The following GRIN2D variants were observed in gnomAD, a reference collection of about 807,000 sequenced individuals.
GRIN2D encodes glutamate ionotropic receptor NMDA type subunit 2D.
Under a neutral mutation model 103.2 loss-of-function variants are expected in GRIN2D, and 37 were observed. The observed-to-expected ratio is 0.36, with a 90% CI of 0.28 to 0.47. The LOEUF is 0.47. Among genes scored for constraint, GRIN2D ranks in the 20% least tolerant of loss-of-function variants. The pLI is 1.00. For synonymous variants in GRIN2D, 845 were observed against 885.6 expected (o/e 0.95, Z 0.81); for missense variants, 1,557 against 1,910.6 (o/e 0.81, Z 3.45).
rs117851076 is a variant in GRIN2D at position 48,432,671 on chromosome 19, C to T, written c.2253-9098C>T. Reference sequence around the variant, plus strand: ...CGGGGGTCTCACTATGTTGCCCAGGCTGCTCTTGAACTCCTAGGATCAAGC... The same window carrying T: ...CGGGGGTCTCACTATGTTGCCCAGGTTGCTCTTGAACTCCTAGGATCAAGC... On this transcript the variant is annotated intron_variant, in intron 11 of 13. Transcript: ENST00000263269. Among the ~76,000 whole-genome samples, 503 of 150,856 alleles carry T rather than the reference C, an allele frequency of 3.3e-3. 3 individuals are homozygous for T. The highest frequency in any genetic ancestry group is 4.6e-3 in the Non-Finnish European group (312 of 67,662).
intron 11 of GRIN2D, among the ~76,000 whole-genome samples, chr19:48,440,692 CTTTA>C (rs935175192): frequency 3.9e-5 from 6 of 152,290 alleles, no homozygotes; most frequent in African/African-American, 4.8e-5. Flanking sequence ...CAATCTTCCT[CTTTA>C]TTTGTTTTGA....
chr19:48,403,797 CT>C (rs2147440413), intron 3 of GRIN2D, among the ~76,000 whole-genome samples: 1 of 152,350 alleles, frequency 6.6e-6, no homozygotes, highest in African/African-American at 2.4e-5. Context: ...TCCTCACTGC[CT>C]TCAGGGAACC....
At chr19:48,427,782 A>T (rs899054825) in intron 11 of GRIN2D, among the ~76,000 whole-genome samples, 1 of 150,308 alleles carries the variant, frequency 6.7e-6, no homozygotes, top group Admixed American at 6.6e-5. Context: ...TCCTTGGTCT[A>T]CTCCTGTATC....
intron 8 of GRIN2D, among the ~76,000 whole-genome samples, chr19:48,418,693 G>A (rs1970977186): frequency 6.6e-6 from 1 of 152,106 alleles, no homozygotes; most frequent in Admixed American, 6.6e-5. Flanking sequence ...CGGCAAATGA[G>A]GTTTGGGCCT....
intron 4 of GRIN2D, among the ~76,000 whole-genome samples, chr19:48,412,384 G>GAAGAAAGAGAAAGAAAAGAAAGA (rs1970873582): frequency 8.3e-6 from 1 of 121,048 alleles, no homozygotes; most frequent in African/African-American, 3.2e-5. Context: ...AAAAAGAAAA[G>GAAGAAAGAGAAAGAAAAGAAAGA]AAGAAAGAGA....
In GRIN2D at chr19:48,421,654, G is replaced by A. The variant is rs1363707545; in HGVS notation, c.2092-131G>A. ...AAAAGCATTCCCTAATGTAGTGAGCGAGTGTTGAGAAATATTGAACACTCC... is the reference window on the plus strand; with the variant it reads ...AAAAGCATTCCCTAATGTAGTGAGCAAGTGTTGAGAAATATTGAACACTCC... On this transcript the variant is annotated intron_variant, in intron 10 of 13. Coordinates refer to ENST00000263269, the MANE Select transcript of GRIN2D (RefSeq NM_000836.4). This position sits in a 1 kb window ranked among gnomAD's most constrained non-coding sequence, Gnocchi z 4.8. 4.3e-6 allele frequency: 3 copies of A among 703,524 alleles called. No individual in the cohort carries two copies. Among genetic ancestry groups the A allele is most frequent in the East Asian group, 2.7e-5 (1 of 37,376 alleles). The allele number at this position is 703,524 out of a possible 1,614,324, so 43.6% of individuals were successfully genotyped here.
At chr19:48,402,144 GAA>G (rs967259904) in intron 3 of GRIN2D, among the ~76,000 whole-genome samples, 39 of 148,928 alleles carry the variant, frequency 2.6e-4, no homozygotes, top group East Asian at 9.8e-4. Context: ...AAGAAAGAAA[GAA>G]AGAAAGAAAG....
At chr19:48,410,149 C>T (rs1970838772) in intron 4 of GRIN2D, among the ~76,000 whole-genome samples, 1 of 151,132 alleles carries the variant, frequency 6.6e-6, no homozygotes, top group African/African-American at 2.4e-5. Flanking sequence ...GGGAAACGAG[C>T]ATATGCAAAA....
chr19:48,442,298 C>T lies in GRIN2D; in HGVS notation c.2589C>T (p.Phe863=), dbSNP rs774133185. Residue 863 remains phenylalanine, a synonymous_variant, in exon 13 of 14, where the codon TTC becomes TTT. Transcript: ENST00000263269. This position sits in a 1 kb window ranked among gnomAD's most constrained non-coding sequence, Gnocchi z 7.2. The part of the protein sequence containing the change: ...LVAMGLSLLV[F]AWEHLVYWRL... Reference sequence around the variant, plus strand: ...CCATGGGCCTGTCCCTGCTGGTCTTCGCCTGGGAGCACCTGGTGTACTGGC... The same window carrying T: ...CCATGGGCCTGTCCCTGCTGGTCTTTGCCTGGGAGCACCTGGTGTACTGGC... 8.1e-6 allele frequency: 13 copies of T among 1,614,098 alleles called. 1 individual carries two copies. Among genetic ancestry groups the T allele is most frequent in the South Asian group, 6.6e-5 (6 of 91,088 alleles).
At chr19:48,426,232 T>TTTC in intron 11 of GRIN2D, among the ~76,000 whole-genome samples, 2 of 145,712 alleles carry the variant, frequency 1.4e-5, no homozygotes, top group African/African-American at 5.4e-5. Flanking sequence ...TTCTTTTTTT[T>TTTC]TTTTTTTTTC....
intron 11 of GRIN2D, among the ~76,000 whole-genome samples, chr19:48,438,821 C>A (rs942125016): frequency 6.6e-6 from 1 of 151,852 alleles, no homozygotes; most frequent in East Asian, 2.0e-4. Context: ...CCCTCTGTCA[C>A]CCAGGCTGGG....
rs369360320 is a variant in GRIN2D, at chr19:48,426,224, C to CTTTTTTTT, written c.2252+4289_2252+4296dup. ...TTTCTTTTTCTTTCTTTCTTTCTTT[C>CTTTTTTTT]TTTTTTTTTTTTTTTTTCTGAAACA... On this transcript the variant is annotated intron_variant, in intron 11 of 13. Coordinates refer to ENST00000263269, the MANE Select transcript of GRIN2D (RefSeq NM_000836.4). Among the ~76,000 whole-genome samples, 598 of 119,928 alleles carry CTTTTTTTT rather than the reference C, an allele frequency of 5.0e-3. 14 individuals carry two copies. The highest frequency in any genetic ancestry group is 0.015 in the African/African-American group (405 of 27,900). 78.7% of individuals were successfully genotyped at this position (119,928 alleles called of 152,430 possible).
rs1287528232 is a variant in GRIN2D at position 48,414,309 on chromosome 19, A to G, written c.1201-64A>G. ...CACCTAGGTCTGAGGGAAGAGGATCATGGAGGCCAGGATACACCGGGAAGT... is the reference window on the plus strand; with the variant it reads ...CACCTAGGTCTGAGGGAAGAGGATCGTGGAGGCCAGGATACACCGGGAAGT... On this transcript the variant is annotated intron_variant, in intron 5 of 13. Coordinates refer to ENST00000263269, the MANE Select transcript of GRIN2D (RefSeq NM_000836.4). This position sits in a 1 kb window ranked among gnomAD's most constrained non-coding sequence, Gnocchi z 4.6. The G allele has an allele frequency of 5.2e-6, 7 of 1,349,568 alleles. No individual in the cohort carries two copies. In the East Asian group the frequency reaches 9.9e-5, roughly 19 times the overall value. The allele number at this position is 1,349,568 out of a possible 1,614,324, so 83.6% of individuals were successfully genotyped here.
At chr19:48,425,329 C>A (rs964151637) in intron 11 of GRIN2D, among the ~76,000 whole-genome samples, 2 of 152,168 alleles carry the variant, frequency 1.3e-5, no homozygotes, top group African/African-American at 4.8e-5. Flanking sequence ...GCAACCTCCG[C>A]TTCCCGGGTT....
Position 48,443,839 on chromosome 19 carries a change from C to T in GRIN2D, c.3913C>T (p.Pro1305Ser). 1 of 1,484,450 alleles carries T rather than the reference C, an allele frequency of 6.7e-7. No homozygotes were observed. Among genetic ancestry groups the T allele is most frequent in the Non-Finnish European group, 8.9e-7 (1 of 1,125,622 alleles). The allele number at this position is 1,484,450 out of a possible 1,614,324, so 92.0% of individuals were successfully genotyped here. The change falls in exon 14 of 14, where the codon CCG (proline) becomes TCG (serine). Residue 1305 changes from proline (P) to serine (S), a missense_variant. Transcript: ENST00000263269. The surrounding 1 kb of genome is among the most constrained non-coding windows in gnomAD (Gnocchi z 8.9). ...RRCPHAAHWG[P>S]PLPTASHRRH... Reference sequence around the variant, plus strand: ...GTGTCCGCACGCCGCGCACTGGGGGCCGCCGCTGCCCACAGCTTCCCACCG... The same window carrying T: ...GTGTCCGCACGCCGCGCACTGGGGGTCGCCGCTGCCCACAGCTTCCCACCG...
intron 11 of GRIN2D, among the ~76,000 whole-genome samples, chr19:48,423,446 A>G (rs191148779): frequency 2.2e-4 from 34 of 152,254 alleles, no homozygotes; most frequent in African/African-American, 7.7e-4. Context: ...CTCTTCAGAA[A>G]GTGATGGTGA....
In GRIN2D at chr19:48,405,844, C is replaced by CA. The variant is rs2147442609; in HGVS notation, c.1085+492dup. 6.6e-6 allele frequency among the ~76,000 whole-genome samples: 1 copy of CA among 152,322 alleles called. No individual in the cohort carries two copies. Among genetic ancestry groups the CA allele is most frequent in the Admixed American group, 6.5e-5 (1 of 15,296 alleles). On this transcript the variant is annotated intron_variant, in intron 4 of 13. Coordinates refer to ENST00000263269, the MANE Select transcript of GRIN2D (RefSeq NM_000836.4). This position sits in a 1 kb window ranked among gnomAD's most constrained non-coding sequence, Gnocchi z 5.1. ...TAAGGAGACTGCTGTTCCATGTGAT[C>CA]ATTCAGGGACCCAGGATTCTCCCAC... is the stretch of plus-strand genomic sequence containing the variant.
At chr19:48,436,249 G>A (rs1361411733) in intron 11 of GRIN2D, among the ~76,000 whole-genome samples, 1 of 152,128 alleles carries the variant, frequency 6.6e-6, no homozygotes, top group Non-Finnish European at 1.5e-5. Flanking sequence ...GGCTTGGGAA[G>A]CGGGGAGTGC....
At chr19:48,408,621 C>T (rs1305766737) in intron 4 of GRIN2D, among the ~76,000 whole-genome samples, 1 of 151,778 alleles carries the variant, frequency 6.6e-6, no homozygotes, top group East Asian at 1.9e-4. Context: ...GAGTTCAAGA[C>T]CAGCCTGGCC....
Sources: allele counts gnomAD v4.1 joint callset (sites outside exome capture counted in the v4.1 genomes callset), GRCh38; gene constraint gnomAD v4.1.1; non-coding constraint Gnocchi (gnomAD v3.1); transcripts MANE v1.5; gene names NCBI Gene and HGNC (gene_info 2026-07-23, HGNC 2026-07-21).